The following TTC17 variants were observed in gnomAD, a reference collection of about 807,000 sequenced individuals.
TTC17 encodes tetratricopeptide repeat domain 17, also known as tetratricopeptide repeat protein 17.
In TTC17, 58 loss-of-function variants were observed where a neutral mutation model predicts 143.8. The ratio of observed to expected loss-of-function variants is 0.40; its 90% CI spans 0.33 to 0.50. TTC17 has a LOEUF of 0.50. TTC17 is among the 20% of genes least tolerant of loss of function. The pLI is 0.49. For missense variants in TTC17, 1,273 were observed against 1,392.5 expected (o/e 0.91, Z 1.37); for synonymous variants, 501 against 497.8 (o/e 1.01, Z -0.09).
chr11:43,483,486 A>T (rs1382598155), intron 21 of TTC17, among the ~76,000 whole-genome samples: 1 of 152,172 alleles, frequency 6.6e-6, no homozygotes, highest in Non-Finnish European at 1.5e-5. Flanking sequence ...ATGTTAACAG[A>T]CTGAATCCAG....
intron 2 of TTC17, among the ~76,000 whole-genome samples, chr11:43,382,911 T>A (rs1210280300): frequency 2.0e-5 from 3 of 151,484 alleles, no homozygotes; most frequent in Non-Finnish European, 4.4e-5. Flanking sequence ...TTCTTTTTCT[T>A]TTTTTTGAGA....
intron 21 of TTC17, among the ~76,000 whole-genome samples, chr11:43,478,775 C>T (rs995832997): frequency 2.7e-4 from 41 of 152,216 alleles, no homozygotes; most frequent in African/African-American, 9.6e-4. Flanking sequence ...ACGACAGGCA[C>T]GGACCATGCC....
intron 21 of TTC17, among the ~76,000 whole-genome samples, chr11:43,462,487 G>A (rs1423420228): frequency 6.6e-6 from 1 of 152,218 alleles, no homozygotes; most frequent in Admixed American, 6.5e-5. Flanking sequence ...GCAGCCACGA[G>A]AAACCAGAAG....
chr11:43,460,764 C>T (rs1947850764), intron 21 of TTC17, among the ~76,000 whole-genome samples: 1 of 152,166 alleles, frequency 6.6e-6, no homozygotes, highest in Non-Finnish European at 1.5e-5. Context: ...GGGGCCTCAA[C>T]TGGGGTGGCT....
At chr11:43,449,608 TAATG>T (rs1372925577) in intron 19 of TTC17, 2 of 152,542 alleles carry the variant, frequency 1.3e-5, no homozygotes, top group African/African-American at 4.8e-5. Context: ...TCTAAATAAA[TAATG>T]AGTGAATGTT....
intron 5 of TTC17, among the ~76,000 whole-genome samples, chr11:43,392,534 G>A (rs1004971920): frequency 6.6e-6 from 1 of 152,070 alleles, no homozygotes; most frequent in Non-Finnish European, 1.5e-5. Context: ...GTATTATAGT[G>A]GTATAAAATA....
intron 1 of TTC17, among the ~76,000 whole-genome samples, chr11:43,371,913 T>C (rs1288321443): frequency 2.0e-5 from 3 of 152,156 alleles, no homozygotes; most frequent in Non-Finnish European, 4.4e-5. Flanking sequence ...AGGAAGAGAC[T>C]GAAATGTATT....
chr11:43,410,314 A>C (rs933263028), intron 15 of TTC17, among the ~76,000 whole-genome samples: 1 of 152,158 alleles, frequency 6.6e-6, no homozygotes, highest in African/African-American at 2.4e-5. Context: ...CTTAGCATTT[A>C]AAAATTGCCC....
At chr11:43,367,388 G>T (rs1355790930) in intron 1 of TTC17, among the ~76,000 whole-genome samples, 1 of 152,144 alleles carries the variant, frequency 6.6e-6, no homozygotes, top group African/African-American at 2.4e-5. Context: ...CAAAAAGTAT[G>T]GGGCAACAAG....
chr11:43,469,409 G>A (rs1280444711), intron 21 of TTC17, among the ~76,000 whole-genome samples: 1 of 151,796 alleles, frequency 6.6e-6, no homozygotes, highest in East Asian at 1.9e-4. Flanking sequence ...AAAATACTTG[G>A]AAAAAAAATA....
intron 2 of TTC17, among the ~76,000 whole-genome samples, chr11:43,383,701 T>A (rs1006802061): frequency 6.6e-6 from 1 of 152,058 alleles, no homozygotes; most frequent in Non-Finnish European, 1.5e-5. Flanking sequence ...AAGAAACAAT[T>A]GGGAATTTGA....
chr11:43,483,850 A>G (rs1948331257), intron 21 of TTC17, among the ~76,000 whole-genome samples: 2 of 152,230 alleles, frequency 1.3e-5, no homozygotes, highest in Non-Finnish European at 2.9e-5. Context: ...AAATCAATAA[A>G]AAGAAATTAG....
chr11:43,455,502 C>T (rs1017287623), intron 21 of TTC17, among the ~76,000 whole-genome samples: 7 of 151,824 alleles, frequency 4.6e-5, no homozygotes, highest in Admixed American at 1.3e-4. Flanking sequence ...AAATAAAATT[C>T]GAAAGGCAGG....
intron 1 of TTC17, among the ~76,000 whole-genome samples, chr11:43,364,047 CTTTTTTTTTTT>C (rs71308379): frequency 6.4e-5 from 6 of 94,458 alleles, no homozygotes; most frequent in Non-Finnish European, 1.1e-4. Flanking sequence ...TACAGATCCT[CTTTTTTTTTTT>C]TTTTTTTTTT....
chr11:43,369,266 A>T (rs1315502232), intron 1 of TTC17, among the ~76,000 whole-genome samples: 2 of 152,210 alleles, frequency 1.3e-5, no homozygotes, highest in Non-Finnish European at 2.9e-5. Flanking sequence ...CTTGCTTGTC[A>T]ATTAGGAGAA....
intron 1 of TTC17, among the ~76,000 whole-genome samples, chr11:43,376,498 G>T (rs990769110): frequency 9.2e-5 from 14 of 152,086 alleles, no homozygotes; most frequent in Non-Finnish European, 1.6e-4. Flanking sequence ...AGTTTGTAGG[G>T]TTGTTTATCC....
At chr11:43,401,320 T>C in intron 9 of TTC17, 126 bp from the exon 10 acceptor site, 3 of 596,966 alleles carry the variant, frequency 5.0e-6, no homozygotes, top group Non-Finnish European at 9.0e-6. Context: ...TATAAGTACG[T>C]CCTACGTAAG....
chr11:43,397,537 CTTT>C (rs376723044), intron 7 of TTC17, 46 bp downstream of exon 7: 3,460 of 1,204,406 alleles, frequency 2.9e-3, no homozygotes, highest in East Asian at 0.011. Context: ...TTGCCACTTT[CTTT>C]TTTTTTTTTT....
At chr11:43,394,147 G>C (rs1052654973) in intron 5 of TTC17, among the ~76,000 whole-genome samples, 1 of 152,186 alleles carries the variant, frequency 6.6e-6, no homozygotes, top group African/African-American at 2.4e-5. Context: ...TAGACTTTCA[G>C]TCCGTAACAG....
Sources: allele counts gnomAD v4.1 joint callset (sites outside exome capture counted in the v4.1 genomes callset), GRCh38; gene constraint gnomAD v4.1.1; transcripts MANE v1.5; gene names NCBI Gene and HGNC (gene_info 2026-07-23, HGNC 2026-07-21).